SH3KBP1: variants seen among roughly 807,000 people sequenced by gnomAD.
SH3KBP1 encodes the protein SH3 domain-containing kinase-binding protein 1.
In SH3KBP1, 8 loss-of-function variants were observed where a neutral mutation model predicts 50.1. That is an observed-to-expected ratio of 0.16 (90% CI 0.09 to 0.29). SH3KBP1 has a LOEUF of 0.29. Ranked by LOEUF, SH3KBP1 falls within the 10% of genes least tolerant of loss-of-function variation. SH3KBP1 has a pLI of 1.00. For synonymous variants in SH3KBP1, 227 were observed against 218.6 expected (o/e 1.04, Z -0.34); for missense variants, 377 against 535.2 (o/e 0.70, Z 2.92).
In SH3KBP1 at chrX:19,833,972, G is replaced by A. The variant is rs150337617; in HGVS notation, c.162+2153C>T. 4.1e-3 allele frequency among the ~76,000 whole-genome samples: 456 copies of A among 111,265 alleles called. 2 individuals are homozygous for A. Among genetic ancestry groups the A allele is most frequent in the Non-Finnish European group, 5.4e-3 (285 of 53,029 alleles). ...TCCCACTCTTAAAATGGGAGCGAGC[G>A]GCTGGATTCAAGTGTAGTACAGTGG... On this transcript the variant is annotated intron_variant, in intron 2 of 17. Coordinates refer to ENST00000397821, the MANE Select transcript of SH3KBP1 (RefSeq NM_031892.3).
intron 1 of SH3KBP1, among the ~76,000 whole-genome samples, chrX:19,875,520 T>C (rs1453713417): frequency 8.9e-6 from 1 of 112,247 alleles, no homozygotes; most frequent in Non-Finnish European, 1.9e-5. Context: ...TGAGAGTGCC[T>C]GGCCCGAGGG....
intron 10 of SH3KBP1, among the ~76,000 whole-genome samples, chrX:19,592,989 C>T (rs1003589077): frequency 8.9e-6 from 1 of 112,331 alleles, no homozygotes; most frequent in African/African-American, 3.2e-5. Flanking sequence ...GTTCTTGACC[C>T]ACAGAATCCA....
intron 6 of SH3KBP1, among the ~76,000 whole-genome samples, chrX:19,659,768 T>C (rs1429452203): frequency 8.9e-6 from 1 of 112,393 alleles, no homozygotes; most frequent in Non-Finnish European, 1.9e-5. Flanking sequence ...ATGTCAACTG[T>C]TGGAATTCTC....
intron 2 of SH3KBP1, among the ~76,000 whole-genome samples, chrX:19,801,755 G>A (rs949509007): frequency 8.9e-6 from 1 of 111,801 alleles, no homozygotes; most frequent in Non-Finnish European, 1.9e-5. Context: ...ATCATGGCAT[G>A]TAAATTAGAC....
At chrX:19,804,882 A>ACCCCCCCCCCCCCCCCCCCCCCCCCC (rs1171123464) in intron 2 of SH3KBP1, among the ~76,000 whole-genome samples, 1 of 17,376 alleles carries the variant, frequency 5.8e-5, no homozygotes, top group African/African-American at 2.6e-4. Flanking sequence ...CCCAAACCCT[A>ACCCCCCCCCCCCCCCCCCCCCCCCCC]CCCCCCCCCC....
At chrX:19,799,485 G>A in intron 2 of SH3KBP1, 1 of 558,425 alleles carries the variant, frequency 1.8e-6, no homozygotes, top group Non-Finnish European at 3.0e-6. Flanking sequence ...GGGGCCAAGT[G>A]GAAAACAGTG....
intron 7 of SH3KBP1, 82 bp downstream of exon 7, chrX:19,645,318 T>C (rs890030590): frequency 9.5e-6 from 7 of 736,746 alleles, no homozygotes; most frequent in Admixed American, 2.5e-5. Context: ...CAAGGTTATA[T>C]AGGGATTTCT....
At position 19,657,091 on chromosome X, in the gene SH3KBP1, A is replaced by G. The variant is rs762449459; in HGVS notation, c.727-11616T>C. 3.6e-5 allele frequency among the ~76,000 whole-genome samples: 4 copies of G among 111,910 alleles called. No homozygotes were observed. In the South Asian group the frequency reaches 1.5e-3, roughly 41 times the overall value. On this transcript the variant is annotated intron_variant, in intron 6 of 17. Transcript: ENST00000397821. ...TTGTTGTTTTGTTTTCAACCAAAAA[A>G]CTGCTACTTAAAAGGCTTATTATGC...
At chrX:19,828,758 T>C (rs901408984) in intron 2 of SH3KBP1, among the ~76,000 whole-genome samples, 4 of 111,546 alleles carry the variant, frequency 3.6e-5, no homozygotes, top group Admixed American at 2.9e-4. Context: ...CACTCCAGCC[T>C]GGGTGGCAGA....
At chrX:19,827,079 T>C (rs924651019) in intron 2 of SH3KBP1, among the ~76,000 whole-genome samples, 1 of 111,468 alleles carries the variant, frequency 9.0e-6, no homozygotes, top group South Asian at 3.7e-4. Flanking sequence ...CACCAACCAC[T>C]TTAAACAAAT....
chrX:19,738,914 G>A (rs2064684184), intron 3 of SH3KBP1, among the ~76,000 whole-genome samples: 1 of 105,550 alleles, frequency 9.5e-6, no homozygotes, highest in East Asian at 2.9e-4. Flanking sequence ...AGGAGGCTGA[G>A]GCAGGAGAAT....
intron 2 of SH3KBP1, among the ~76,000 whole-genome samples, chrX:19,797,929 G>A (rs940141971): frequency 9.2e-6 from 1 of 108,317 alleles, no homozygotes; most frequent in Non-Finnish European, 1.9e-5. Flanking sequence ...ACACACGAAA[G>A]GCAACTGGGG....
chrX:19,718,893 A>G (rs982296861), intron 3 of SH3KBP1, among the ~76,000 whole-genome samples: 7 of 110,838 alleles, frequency 6.3e-5, no homozygotes, highest in Non-Finnish European at 1.1e-4. Flanking sequence ...TCCATCAGTG[A>G]CCAAGCCAAG....
intron 8 of SH3KBP1, among the ~76,000 whole-genome samples, chrX:19,626,546 T>C (rs1196500854): frequency 9.0e-6 from 1 of 111,224 alleles, no homozygotes; most frequent in Non-Finnish European, 1.9e-5. Flanking sequence ...ACTAACCGTC[T>C]TTAGCTAATA....
chrX:19,822,137 C>G (rs1173910966), intron 2 of SH3KBP1, among the ~76,000 whole-genome samples: 7 of 112,170 alleles, frequency 6.2e-5, no homozygotes, highest in Non-Finnish European at 1.3e-4. Context: ...TAGTATGTAT[C>G]TTGGCATAGA....
In SH3KBP1 at chrX:19,707,830, G is replaced by GAGACAGAC. The variant is rs56755263; in HGVS notation, c.287-854_287-847dup. ...AAAGAACGTGTATGGGGGTGAGGGTGAGACAGACAGACAGACAGACAGACA... is the reference window on the plus strand; with the variant it reads ...AAAGAACGTGTATGGGGGTGAGGGTGAGACAGACAGACAGACAGACAGACAGACAGACA... On this transcript the variant is annotated intron_variant, in intron 3 of 17. Transcript: ENST00000397821. Among the ~76,000 whole-genome samples, 1,042 of 107,421 alleles carry GAGACAGAC rather than the reference G, an allele frequency of 9.7e-3. 19 individuals are homozygous for GAGACAGAC. The highest frequency in any genetic ancestry group is 0.032 in the African/African-American group (923 of 28,539). The allele number at this position is 107,421 out of a possible 115,157, so 93.3% of individuals were successfully genotyped here. A position where few individuals can be genotyped will look rare whatever the true frequency, so the allele number is the denominator to read the frequency against.
chrX:19,848,782 T>C (rs774015947), intron 1 of SH3KBP1, among the ~76,000 whole-genome samples: 2 of 111,025 alleles, frequency 1.8e-5, no homozygotes, highest in East Asian at 2.8e-4. Context: ...GATTGATTGA[T>C]TGATTGATTG....
chrX:19,848,220 T>C (rs907657620), intron 1 of SH3KBP1, among the ~76,000 whole-genome samples: 1 of 111,783 alleles, frequency 8.9e-6, no homozygotes, highest in African/African-American at 3.3e-5. Flanking sequence ...TGATTTCATT[T>C]CTGGGGCAGG....
chrX:19,561,879 AT>A (rs1165534544), intron 13 of SH3KBP1, among the ~76,000 whole-genome samples: 1 of 107,470 alleles, frequency 9.3e-6, no homozygotes. Flanking sequence ...TCAGGGAGAC[AT>A]GGCTAAGGCG....
Sources: gnomAD v4.1 joint callset for allele counts (sites outside exome capture counted in the v4.1 genomes callset) on GRCh38, gnomAD v4.1.1 for gene constraint, MANE v1.5 for transcripts, NCBI Gene and HGNC (gene_info 2026-07-23, HGNC 2026-07-21) for gene names.